The following DNAJC3 variants were observed in gnomAD, a reference collection of about 807,000 sequenced individuals.
DNAJC3 encodes DnaJ heat shock protein family (Hsp40) member C3.
Under a neutral mutation model 68.6 loss-of-function variants are expected in DNAJC3, and 38 were observed. The ratio of observed to expected loss-of-function variants is 0.55; its 90% CI spans 0.43 to 0.73. The LOEUF (loss-of-function observed/expected upper bound fraction) is 0.73. Ranked by LOEUF, DNAJC3 falls within the 30% of genes least tolerant of loss-of-function variation. The probability of loss-of-function intolerance (pLI) is 0.00; values close to 1 mark genes in which losing one functional copy is unlikely to be tolerated. For missense variants in DNAJC3, 526 were observed against 591.9 expected, an observed-to-expected ratio of 0.89 and a Z score of 1.16; for synonymous variants, 203 against 204.0, an observed-to-expected ratio of 1.00 and a Z score of 0.04.
intron 4 of DNAJC3, among the ~76,000 whole-genome samples, chr13:95,748,864 C>T (rs1324328070): frequency 1.3e-5 from 2 of 152,114 alleles, no homozygotes; most frequent in African/African-American, 2.4e-5. Context: ...TAAAAGAATA[C>T]TCAAAGTATT....
intron 1 of DNAJC3, among the ~76,000 whole-genome samples, chr13:95,692,039 A>G (rs1349751825): frequency 6.8e-6 from 1 of 147,056 alleles, no homozygotes; most frequent in Non-Finnish European, 1.5e-5. Context: ...TCAGAGGGAG[A>G]CCATGGAAAG....
In DNAJC3 at chr13:95,763,902, G is replaced by T. The variant is rs1458084786; in HGVS notation, c.1024G>T (p.Ala342Ser). ...ACAGATGGAACCTGACAATGTGAAT[G>T]CCCTGAAAGATCGAGCAGAGGCCTA... is the stretch of plus-strand genomic sequence containing the variant. ...VLQMEPDNVN[A>S]LKDRAEAYLI... The change falls in exon 9 of 12, where the codon GCC becomes TCC. Residue 342 changes from alanine (A) to serine (S), a missense_variant. Transcript: ENST00000602402. 4 of 1,613,962 alleles carry T rather than the reference G, an allele frequency of 2.5e-6. No homozygotes were observed. Among genetic ancestry groups the T allele is most frequent in the Non-Finnish European group, 2.5e-6 (3 of 1,179,972 alleles).
chr13:95,703,555 G>A (rs1880637573), intron 1 of DNAJC3, among the ~76,000 whole-genome samples: 1 of 152,368 alleles, frequency 6.6e-6, no homozygotes, highest in Non-Finnish European at 1.5e-5. Context: ...GAACATGCAT[G>A]TGTTCTTGAA....
chr13:95,745,704 A>G (rs1217100043), intron 4 of DNAJC3: 8 of 152,274 alleles, frequency 5.3e-5, no homozygotes, highest in Non-Finnish European at 1.5e-5. Flanking sequence ...TGGTCCCTAT[A>G]GCCCTCATAT....
At chr13:95,788,030 GTACT>G (rs1301270184) in intron 11 of DNAJC3, among the ~76,000 whole-genome samples, 1 of 152,134 alleles carries the variant, frequency 6.6e-6, no homozygotes, top group Non-Finnish European at 1.5e-5. Flanking sequence ...TCTTTTTTGA[GTACT>G]TACTTATGCA....
chr13:95,748,903 T>A (rs1383497422), intron 4 of DNAJC3, among the ~76,000 whole-genome samples: 2 of 152,238 alleles, frequency 1.3e-5, no homozygotes, highest in Non-Finnish European at 2.9e-5. Flanking sequence ...AGAATGGTAC[T>A]TTTAAGTCAT....
rs761877307 is a variant in DNAJC3, at chr13:95,677,286, C to G, written c.31C>G (p.Leu11Val). 6 of 1,601,576 alleles carry G rather than the reference C, an allele frequency of 3.7e-6. No individual in the cohort carries two copies. Among genetic ancestry groups the G allele is most frequent in the Admixed American group, 1.7e-5 (1 of 58,938 alleles). The change falls in exon 1 of 12, where the codon CTG becomes GTG. Residue 11 changes from leucine (L) to valine (V), a missense_variant. Physicochemically the swap from Leu to Val is conservative, Grantham distance 32 (BLOSUM62 1). Coordinates refer to ENST00000602402, the MANE Select transcript of DNAJC3 (RefSeq NM_006260.5). ...GGCCCCCGGCTCCGTGACCAGCCGGCTGGGCTCGGTATTCCCCTTCCTGCT... is the reference window on the plus strand; with the variant it reads ...GGCCCCCGGCTCCGTGACCAGCCGGGTGGGCTCGGTATTCCCCTTCCTGCT... MVAPGSVTSR[L>V]GSVFPFLLVL...
At chr13:95,733,869 G>A (rs560484972) in intron 4 of DNAJC3, among the ~76,000 whole-genome samples, 1 of 152,018 alleles carries the variant, frequency 6.6e-6, no homozygotes, top group Non-Finnish European at 1.5e-5. Context: ...GAAGTTTCTT[G>A]TAAGTGCCAT....
At chr13:95,778,747 A>T (rs999051554) in intron 9 of DNAJC3, among the ~76,000 whole-genome samples, 2 of 152,216 alleles carry the variant, frequency 1.3e-5, no homozygotes, top group South Asian at 4.1e-4. Context: ...TGAGAATTGT[A>T]GCTATTTAGA....
At chr13:95,688,519 GT>G (rs113150172) in intron 1 of DNAJC3, among the ~76,000 whole-genome samples, 31,125 of 143,768 alleles carry the variant, frequency 0.22, 3,492 homozygotes, top group African/African-American at 0.31. Context: ...TTTTTCTACA[GT>G]TTTTTTTTTT....
intron 1 of DNAJC3, among the ~76,000 whole-genome samples, chr13:95,678,313 CGAGG>C (rs1436863394): frequency 1.3e-5 from 2 of 151,978 alleles, no homozygotes; most frequent in Non-Finnish European, 2.9e-5. Flanking sequence ...TCAAAGGGAG[CGAGG>C]AACTAAAAAT....
At chr13:95,682,390 T>TTA (rs1173948792) in intron 1 of DNAJC3, among the ~76,000 whole-genome samples, 1 of 152,152 alleles carries the variant, frequency 6.6e-6, no homozygotes, top group Non-Finnish European at 1.5e-5. Flanking sequence ...TGAACTTTAG[T>TTA]ATCTTTGACT....
rs1211288063 is a variant in DNAJC3, at chr13:95,764,050, A to T, written c.1075+97A>T. 4 of 1,516,952 alleles carry T rather than the reference A, an allele frequency of 2.6e-6. No homozygotes were observed. The East Asian group carries it at 6.8e-5, about 26-fold the overall frequency. 94.0% of individuals were successfully genotyped at this position (1,516,952 alleles called of 1,614,324 possible). On this transcript the variant is annotated intron_variant, in intron 9 of 11. Coordinates refer to ENST00000602402, the MANE Select transcript of DNAJC3 (RefSeq NM_006260.5). ...TTCCTTAAAACAAATTTACCAGAGT[A>T]CCTGGAAATGTTGACAATTTTAGAA... is the stretch of plus-strand genomic sequence containing the variant.
chr13:95,775,001 C>T (rs941209285), intron 9 of DNAJC3, among the ~76,000 whole-genome samples: 1 of 152,100 alleles, frequency 6.6e-6, no homozygotes, highest in Admixed American at 6.6e-5. Flanking sequence ...GTAGGTCTGC[C>T]ATTTTACTAT....
intron 1 of DNAJC3, among the ~76,000 whole-genome samples, chr13:95,692,067 G>A (rs187069194): frequency 3.3e-5 from 5 of 150,700 alleles, no homozygotes; most frequent in East Asian, 1.9e-4. Context: ...GAGGGAGACC[G>A]TGGAAAGAGA....
At chr13:95,686,864 CT>C (rs1358740859) in intron 1 of DNAJC3, among the ~76,000 whole-genome samples, 7 of 152,136 alleles carry the variant, frequency 4.6e-5, no homozygotes, top group Non-Finnish European at 1.0e-4. Context: ...TATTCATGCC[CT>C]TTTTTGGTGC....
chr13:95,742,909 GTGTTTTA>G (rs1243474724), intron 4 of DNAJC3: 1 of 476,882 alleles, frequency 2.1e-6, no homozygotes, highest in Admixed American at 2.3e-5. Flanking sequence ...TTATGGTTTT[GTGTTTTA>G]TTTTTAAGCC....
intron 2 of DNAJC3, among the ~76,000 whole-genome samples, chr13:95,712,091 T>C (rs1880989698): frequency 6.6e-6 from 1 of 152,186 alleles, no homozygotes; most frequent in South Asian, 2.1e-4. Context: ...GTATTAGTCA[T>C]CACATTAAAA....
intron 4 of DNAJC3, among the ~76,000 whole-genome samples, chr13:95,753,190 C>G (rs17882979): frequency 0.015 from 2,276 of 152,230 alleles, 58 homozygotes; most frequent in African/African-American, 0.052. Flanking sequence ...TTTTCTCATA[C>G]TCGTTACCTC....
Sources: allele counts gnomAD v4.1 joint callset (sites outside exome capture counted in the v4.1 genomes callset), GRCh38; gene constraint gnomAD v4.1.1; transcripts MANE v1.5; gene names NCBI Gene and HGNC (gene_info 2026-07-23, HGNC 2026-07-21).